CSMD3: variants seen among roughly 807,000 people sequenced by gnomAD.
The protein encoded by CSMD3 is CUB and sushi domain-containing protein 3.
Under a neutral mutation model 435.2 loss-of-function variants are expected in CSMD3, and 177 were observed. The ratio of observed to expected loss-of-function variants is 0.41; its 90% confidence interval spans 0.36 to 0.46. The LOEUF (loss-of-function observed/expected upper bound fraction) is 0.46, where lower values mean the gene tolerates loss of function less well. CSMD3 is among the 20% of genes least tolerant of loss of function. CSMD3 has a pLI of 0.34. For missense variants in CSMD3, 4,265 were observed against 4,504.6 expected (o/e 0.95, Z 1.52); for synonymous variants, 1,656 against 1,520.5 (o/e 1.09, Z -2.07).
intron 22 of CSMD3, among the ~76,000 whole-genome samples, chr8:112,618,275 A>T (rs922115284): frequency 2.6e-5 from 4 of 152,130 alleles, no homozygotes; most frequent in Non-Finnish European, 5.9e-5. Flanking sequence ...GAAGCTCTTA[A>T]GTTATCTCAA....
intron 2 of CSMD3, chr8:113,312,862 A>G (rs550990543): frequency 6.6e-6 from 1 of 152,348 alleles, no homozygotes; most frequent in Admixed American, 6.5e-5. Flanking sequence ...ATGAGTTACA[A>G]TGTAAAAGTT....
rs1203676827 is a variant in CSMD3, at chr8:112,784,030, G to A, written c.1972+16132C>T. 4.6e-5 allele frequency among the ~76,000 whole-genome samples: 7 copies of A among 152,012 alleles called. 1 individual carries two copies. Among genetic ancestry groups the A allele is most frequent in the Admixed American group, 4.6e-4 (7 of 15,222 alleles). On this transcript the variant is annotated intron_variant, in intron 13 of 70. Coordinates refer to ENST00000297405, the MANE Select transcript of CSMD3 (RefSeq NM_198123.2). Reference sequence around the variant, plus strand: ...GCATTCAAGTTTCAGCATCAGACAAGTTATCCAGATAGAAAATCAACAAAG... The same window carrying A: ...GCATTCAAGTTTCAGCATCAGACAAATTATCCAGATAGAAAATCAACAAAG...
At chr8:112,554,306 C>A (rs1274488115) in intron 25 of CSMD3, among the ~76,000 whole-genome samples, 2 of 151,882 alleles carry the variant, frequency 1.3e-5, no homozygotes, top group Non-Finnish European at 2.9e-5. Flanking sequence ...GGGAATATTA[C>A]CTTTTATTGC....
chr8:112,515,662 T>C (rs1316538966), intron 28 of CSMD3, among the ~76,000 whole-genome samples: 4 of 152,062 alleles, frequency 2.6e-5, no homozygotes, highest in Non-Finnish European at 5.9e-5. Flanking sequence ...GTTCAAGTGA[T>C]GCCATTATTT....
chr8:112,793,725 T>G (rs2078751964), intron 13 of CSMD3, among the ~76,000 whole-genome samples: 1 of 152,176 alleles, frequency 6.6e-6, no homozygotes, highest in Non-Finnish European at 1.5e-5. Flanking sequence ...ATGACTGTAA[T>G]AAAACCTTAT....
At chr8:113,323,009 A>T (rs544499849) in intron 1 of CSMD3, among the ~76,000 whole-genome samples, 1 of 152,226 alleles carries the variant, frequency 6.6e-6, no homozygotes, top group East Asian at 1.9e-4. Context: ...CAGCCTCCCA[A>T]AGTGCTTGGA....
At chr8:113,225,963 G>A (rs192034233) in intron 3 of CSMD3, among the ~76,000 whole-genome samples, 1 of 151,370 alleles carries the variant, frequency 6.6e-6, no homozygotes, top group African/African-American at 2.4e-5. Flanking sequence ...GACTTCTCAC[G>A]AGATCTGATG....
chr8:112,975,722 T>G, intron 7 of CSMD3, 115 bp downstream of exon 7: 1 of 1,530,886 alleles, frequency 6.5e-7, no homozygotes, highest in South Asian at 1.2e-5. Context: ...CTTTGAACTT[T>G]TTCTTTTGCT....
At chr8:112,762,886 A>T (rs2077876845) in intron 13 of CSMD3, among the ~76,000 whole-genome samples, 1 of 151,812 alleles carries the variant, frequency 6.6e-6, no homozygotes, top group Non-Finnish European at 1.5e-5. Flanking sequence ...CATAGTGGTA[A>T]CCAGATGCTG....
intron 27 of CSMD3, among the ~76,000 whole-genome samples, chr8:112,549,331 A>T (rs548730674): frequency 1.3e-5 from 2 of 152,156 alleles, no homozygotes; most frequent in Admixed American, 1.3e-4. Context: ...AGCCATTTAT[A>T]TTCACCTATT....
intron 13 of CSMD3, among the ~76,000 whole-genome samples, chr8:112,710,510 G>A (rs193103006): frequency 3.1e-4 from 47 of 152,034 alleles, no homozygotes; most frequent in African/African-American, 9.6e-4. Flanking sequence ...TTAACCCAAC[G>A]CCAGTCACAT....
intron 13 of CSMD3, among the ~76,000 whole-genome samples, chr8:112,716,563 C>T (rs1201308139): frequency 6.6e-6 from 1 of 151,840 alleles, no homozygotes; most frequent in Non-Finnish European, 1.5e-5. Context: ...CACATAATGA[C>T]AAAAAGAACC....
intron 6 of CSMD3, among the ~76,000 whole-genome samples, chr8:112,981,214 CA>C (rs1422496575): frequency 1.3e-5 from 2 of 151,106 alleles, no homozygotes; most frequent in African/African-American, 4.8e-5. Flanking sequence ...AAAAAAACTG[CA>C]GCAATTAAAT....
intron 1 of CSMD3, among the ~76,000 whole-genome samples, chr8:113,408,652 G>A (rs1434482888): frequency 6.6e-6 from 1 of 151,732 alleles, no homozygotes; most frequent in Non-Finnish European, 1.5e-5. Context: ...CACGTGACAA[G>A]GAGTTTTTTT....
intron 1 of CSMD3, among the ~76,000 whole-genome samples, chr8:113,334,572 C>T (rs1216185669): frequency 6.6e-6 from 1 of 151,946 alleles, no homozygotes. Flanking sequence ...GATATCAGGA[C>T]AGTGATACCT....
intron 59 of CSMD3, among the ~76,000 whole-genome samples, chr8:112,272,346 T>G (rs1418379330): frequency 2.6e-5 from 4 of 152,164 alleles, no homozygotes. Context: ...ATATAGTAAC[T>G]GGCATACATC....
rs139189998 is a variant in CSMD3, at chr8:112,367,900, C to T, written c.6136+12452G>A. 7.8e-3 allele frequency among the ~76,000 whole-genome samples: 1,187 copies of T among 152,230 alleles called. 22 individuals are homozygous for T. Among genetic ancestry groups the T allele is most frequent in the African/African-American group, 0.026 (1,080 of 41,538 alleles). ...TTATCTCATCAGCTATAAAGGGTAGCATTTATTAAGGGTTTACTATATAAC... is the reference window on the plus strand; with the variant it reads ...TTATCTCATCAGCTATAAAGGGTAGTATTTATTAAGGGTTTACTATATAAC... On this transcript the variant is annotated intron_variant, in intron 38 of 70. Transcript: ENST00000297405.
intron 12 of CSMD3, among the ~76,000 whole-genome samples, chr8:112,827,649 A>G (rs1220052469): frequency 6.6e-6 from 1 of 152,230 alleles, no homozygotes; most frequent in Non-Finnish European, 1.5e-5. Flanking sequence ...AAGAAACTTC[A>G]GTGTTTATGA....
At chr8:113,154,836 C>T (rs2091900675) in intron 4 of CSMD3, among the ~76,000 whole-genome samples, 1 of 151,932 alleles carries the variant, frequency 6.6e-6, no homozygotes, top group African/African-American at 2.4e-5. Flanking sequence ...TTGTCATATC[C>T]TTCTTTTCTA....
Sources: gnomAD v4.1 joint callset for allele counts (sites outside exome capture counted in the v4.1 genomes callset) on GRCh38, gnomAD v4.1.1 for gene constraint, MANE v1.5 for transcripts, NCBI Gene and HGNC (gene_info 2026-07-23, HGNC 2026-07-21) for gene names.